RAB27B: variants seen among roughly 807,000 people sequenced by gnomAD.
The protein encoded by RAB27B is RAB27B, member RAS oncogene family.
A neutral mutation model predicts 24.6 loss-of-function variants in RAB27B; 15 were observed. That is an observed-to-expected ratio of 0.61 (90% CI 0.41 to 0.94). The LOEUF (loss-of-function observed/expected upper bound fraction) is 0.94, where lower values mean the gene tolerates loss of function less well. Among genes scored for constraint, RAB27B ranks in the 40% least tolerant of loss-of-function variants. The pLI, the probability that RAB27B is intolerant of heterozygous loss-of-function variation, is 0.00. For synonymous variants in RAB27B, 105 were observed against 92.5 expected, an observed-to-expected ratio of 1.14 and a Z score of -0.78; for missense variants, 261 against 266.8, an observed-to-expected ratio of 0.98 and a Z score of 0.15.
intron 2 of RAB27B, among the ~76,000 whole-genome samples, chr18:54,823,215 G>A (rs1910365862): frequency 6.6e-6 from 1 of 152,252 alleles, no homozygotes; most frequent in Admixed American, 6.5e-5. Flanking sequence ...TGGCCTGGAA[G>A]TCCAGTCTTA....
chr18:54,762,494 C>G (rs1455591309), intron 2 of RAB27B, among the ~76,000 whole-genome samples: 1 of 152,190 alleles, frequency 6.6e-6, no homozygotes, highest in Non-Finnish European at 1.5e-5. Flanking sequence ...ACTTTATTTC[C>G]TCCTACTCCC....
In RAB27B at chr18:54,894,960, T is replaced by C. The variant is rs1913510883; in HGVS notation, c.*5547T>C. The C allele has an allele frequency of 6.6e-6, 1 of 152,086 alleles. No individual in the cohort carries two copies. Among genetic ancestry groups the C allele is most frequent in the African/African-American group, 2.4e-5 (1 of 41,458 alleles). 9.4% of individuals were successfully genotyped at this position (152,086 alleles called of 1,614,324 possible). A position where few individuals can be genotyped will look rare whatever the true frequency, so the allele number is the denominator to read the frequency against. On this transcript the variant is annotated 3_prime_UTR_variant, in exon 6 of 6. Coordinates refer to ENST00000262094, the MANE Select transcript of RAB27B (RefSeq NM_004163.4). The stretch of plus-strand genomic sequence containing the variant: ...AATACATCTCATTATTGACAAAATA[T>C]GTCATCTTGTATTTATTTCAAGGAA...
intron 2 of RAB27B, among the ~76,000 whole-genome samples, chr18:54,764,595 C>T (rs1908300380): frequency 1.3e-5 from 2 of 152,114 alleles, no homozygotes; most frequent in Admixed American, 6.6e-5. Flanking sequence ...GAACATCTCC[C>T]TTTGGATATT....
chr18:54,810,781 C>T (rs545479598), intron 2 of RAB27B, among the ~76,000 whole-genome samples: 101 of 151,244 alleles, frequency 6.7e-4, no homozygotes, highest in African/African-American at 2.4e-3. Context: ...TGCAGTGAGC[C>T]GAGATTGTGC....
At chr18:54,879,821 T>C (rs1462842625) in intron 3 of RAB27B, 1 of 186,494 alleles carries the variant, frequency 5.4e-6, no homozygotes, top group Non-Finnish European at 1.1e-5. Context: ...GTTAAGATCT[T>C]CCTTGTCTCT....
chr18:54,726,859 T>C (rs986440821), intron 2 of RAB27B, among the ~76,000 whole-genome samples: 2 of 143,938 alleles, frequency 1.4e-5, no homozygotes, highest in African/African-American at 2.5e-5. Flanking sequence ...TCTAGACTGC[T>C]AATGGGTTTT....
rs1378369454 is a variant in RAB27B at position 54,810,841 on chromosome 18, T to C, written c.-19-66726T>C. Among the ~76,000 whole-genome samples, 4 of 94,284 alleles carry C rather than the reference T, an allele frequency of 4.2e-5. No individual in the cohort carries two copies. In the East Asian group the frequency reaches 8.8e-4, roughly 21 times the overall value. 61.9% of individuals were successfully genotyped at this position (94,284 alleles called of 152,430 possible). On this transcript the variant is annotated intron_variant, in intron 2 of 4. Transcript: ENST00000586570. ...GAGCAAGACCCTGTCTCAAAATAAA[T>C]AAATAAATAAATAAATAAATAAATA...
Position 54,893,878 on chromosome 18 carries a change from C to T in RAB27B, c.*4465C>T, listed in dbSNP as rs935555353. 20 of 151,442 alleles carry T rather than the reference C, an allele frequency of 1.3e-4. No individual in the cohort carries two copies. The highest frequency in any genetic ancestry group is 2.4e-4 in the African/African-American group (10 of 41,248). 9.4% of individuals were successfully genotyped at this position (151,442 alleles called of 1,614,324 possible). ...ATACTTCAAAGGTCGATTTTGAGTC[C>T]GAATAAAGAAAGACCTAGTAACAGA... On this transcript the variant is annotated 3_prime_UTR_variant, in exon 6 of 6. Transcript: ENST00000262094.
At chr18:54,841,552 G>T (rs1469750618) in intron 1 of RAB27B, among the ~76,000 whole-genome samples, 5 of 152,200 alleles carry the variant, frequency 3.3e-5, no homozygotes, top group Non-Finnish European at 5.9e-5. Context: ...ATTGGCAGAT[G>T]CTGTGGTAAT....
At chr18:54,861,622 G>A (rs1912012981) in intron 1 of RAB27B, among the ~76,000 whole-genome samples, 1 of 152,188 alleles carries the variant, frequency 6.6e-6, no homozygotes, top group African/African-American at 2.4e-5. Context: ...TTGGCAGTGA[G>A]GAGTTTCTGG....
intron 2 of RAB27B, among the ~76,000 whole-genome samples, chr18:54,799,461 T>C (rs1268203121): frequency 6.6e-6 from 1 of 152,066 alleles, no homozygotes; most frequent in Non-Finnish European, 1.5e-5. Flanking sequence ...ATGTGAACAT[T>C]TTATAAATTT....
At chr18:54,737,586 G>C (rs143946867) in intron 2 of RAB27B, among the ~76,000 whole-genome samples, 1 of 152,022 alleles carries the variant, frequency 6.6e-6, no homozygotes, top group Non-Finnish European at 1.5e-5. Flanking sequence ...CATCTTTCTC[G>C]AATGTGAGCA....
At chr18:54,884,575 T>G in intron 4 of RAB27B, 139 bp downstream of exon 4, 1 of 572,288 alleles carries the variant, frequency 1.7e-6, no homozygotes, top group Non-Finnish European at 3.1e-6. Flanking sequence ...CCTGTGCCAC[T>G]GTGTCACCTT....
intron 2 of RAB27B, among the ~76,000 whole-genome samples, chr18:54,815,990 A>T (rs1435304452): frequency 6.6e-6 from 1 of 152,208 alleles, no homozygotes; most frequent in Non-Finnish European, 1.5e-5. Context: ...TTTTTGTTTC[A>T]ATGTGAACAT....
intron 1 of RAB27B, among the ~76,000 whole-genome samples, chr18:54,829,639 C>A (rs1192592056): frequency 6.6e-6 from 1 of 152,124 alleles, no homozygotes. Flanking sequence ...TATATTCACA[C>A]ATATTCATTC....
chr18:54,832,314 C>A (rs1169100845), intron 1 of RAB27B, among the ~76,000 whole-genome samples: 1 of 152,090 alleles, frequency 6.6e-6, no homozygotes, highest in Non-Finnish European at 1.5e-5. Context: ...AAGAAAGAAC[C>A]AAATGATCAA....
intron 2 of RAB27B, among the ~76,000 whole-genome samples, chr18:54,751,110 T>C (rs1907816487): frequency 6.6e-6 from 1 of 152,216 alleles, no homozygotes; most frequent in African/African-American, 2.4e-5. Context: ...GACAGCTTTT[T>C]ACCTTTTACA....
At chr18:54,750,214 A>G (rs565229539) in intron 2 of RAB27B, among the ~76,000 whole-genome samples, 1 of 152,176 alleles carries the variant, frequency 6.6e-6, no homozygotes, top group African/African-American at 2.4e-5. Flanking sequence ...TCAGAATCTT[A>G]TAATGATCCA....
intron 3 of RAB27B, among the ~76,000 whole-genome samples, chr18:54,883,227 G>A (rs368946725): frequency 2.6e-5 from 4 of 152,214 alleles, no homozygotes; most frequent in South Asian, 2.1e-4. Flanking sequence ...AATGTGAAAG[G>A]CAGGGAACAT....
Sources: gnomAD v4.1 joint callset for allele counts (sites outside exome capture counted in the v4.1 genomes callset) on GRCh38, gnomAD v4.1.1 for gene constraint, MANE v1.5 for transcripts, NCBI Gene and HGNC (gene_info 2026-07-23, HGNC 2026-07-21) for gene names.